The following PTMA variants were observed in gnomAD, a reference collection of about 807,000 sequenced individuals.
PTMA encodes gene sequence 28.
A neutral mutation model predicts 16.9 loss-of-function variants in PTMA; 4 were observed. The ratio of observed to expected loss-of-function variants is 0.24; its 90% confidence interval spans 0.12 to 0.54. The LOEUF (loss-of-function observed/expected upper bound fraction) is 0.54. PTMA is among the 20% of genes least tolerant of loss of function. PTMA has a pLI of 0.95. For missense variants in PTMA, 120 were observed against 137.7 expected (o/e 0.87, Z 0.64); for synonymous variants, 58 against 47.9 (o/e 1.21, Z -0.87).
chr2:231,712,859 A>C lies in PTMA; in HGVS notation c.*8A>C. On this transcript the variant is annotated 3_prime_UTR_variant, in exon 5 of 5. Transcript: ENST00000409115. Reference sequence around the variant, plus strand: ...ACCGACGAGGATGACTAGACAGCAAAAAAGGAAAAGTTAAACTAAAAAAAA... The same window carrying C: ...ACCGACGAGGATGACTAGACAGCAACAAAGGAAAAGTTAAACTAAAAAAAA... The C allele has an allele frequency of 6.4e-7, 1 of 1,563,024 alleles. No individual in the cohort carries two copies. The highest frequency in any genetic ancestry group is 8.7e-7 in the Non-Finnish European group (1 of 1,155,936).
intron 1 of PTMA, 78 bp from the exon 2 acceptor site, chr2:231,711,260 CGTACAGACCA>C: frequency 9.6e-7 from 1 of 1,044,444 alleles, no homozygotes; most frequent in East Asian, 2.4e-5. Context: ...ACAGAACAGC[CGTACAGACCA>C]GTAGTTCTCA....
chr2:231,709,180 G>A (rs2048482844), intron 1 of PTMA, among the ~76,000 whole-genome samples: 2 of 152,178 alleles, frequency 1.3e-5, no homozygotes, highest in Admixed American at 1.3e-4. Flanking sequence ...CCGGCCGCGG[G>A]AAGTGGCGGC....
chr2:231,712,710 T>A, intron 4 of PTMA, 94 bp from the exon 5 acceptor site: 1 of 1,455,886 alleles, frequency 6.9e-7, no homozygotes, highest in African/African-American at 1.4e-5. Context: ...GAGCTGGGGG[T>A]CCCTGGTTCT....
intron 1 of PTMA, among the ~76,000 whole-genome samples, chr2:231,709,371 T>C (rs1398288110): frequency 6.6e-6 from 1 of 151,882 alleles, no homozygotes; most frequent in African/African-American, 2.4e-5. Context: ...CTTTGGGCGC[T>C]CTGGGAGGCG....
chr2:231,712,175 TCA>T (rs1491164870), intron 3 of PTMA, among the ~76,000 whole-genome samples, 192 bp downstream of exon 3: 1 of 152,142 alleles, frequency 6.6e-6, no homozygotes, highest in Admixed American at 6.5e-5. Context: ...CCATGCCCAC[TCA>T]CACTCACTCG....
intron 3 of PTMA, 141 bp downstream of exon 3, chr2:231,712,124 C>A (rs1316633293): frequency 9.1e-6 from 13 of 1,435,120 alleles, no homozygotes; most frequent in Non-Finnish European, 1.2e-5. Context: ...TGGGCACCCA[C>A]CTGTAGAGTC....
chr2:231,711,491 A>G, intron 2 of PTMA, 72 bp downstream of exon 2: 2 of 1,362,274 alleles, frequency 1.5e-6, no homozygotes, highest in Non-Finnish European at 2.1e-6. Context: ...TACTTTAAAC[A>G]TACCTATATA....
chr2:231,712,055 G>A (rs917281456), intron 3 of PTMA, 72 bp downstream of exon 3: 8 of 1,546,656 alleles, frequency 5.2e-6, no homozygotes, highest in South Asian at 1.2e-5. Context: ...GGGGAAGGAA[G>A]GAATTGGGGC....
In PTMA at chr2:231,708,529, C is replaced by T. The variant is rs1051351172; in HGVS notation, c.-178C>T. The stretch of plus-strand genomic sequence containing the variant: ...AGCTTCTGGCGCCGCGTGAGTCCCC[C>T]ACTGGCTGCTCTGAAAAGCCATCTT... On this transcript the variant is annotated 5_prime_UTR_variant, in exon 1 of 5. Transcript: ENST00000409115. The T allele has an allele frequency of 1.4e-5, 10 of 723,628 alleles. No individual in the cohort carries two copies. Among genetic ancestry groups the T allele is most frequent in the Admixed American group, 4.7e-5 (2 of 42,540 alleles). 44.8% of individuals were successfully genotyped at this position (723,628 alleles called of 1,614,324 possible).
chr2:231,710,468 A>G, intron 1 of PTMA: 2 of 1,095,360 alleles, frequency 1.8e-6, no homozygotes, highest in Non-Finnish European at 2.3e-6. Context: ...GAGCGGGCGG[A>G]GCCGGGGTCC....
chr2:231,711,186 C>A, intron 1 of PTMA, 162 bp from the exon 2 acceptor site: 1 of 603,096 alleles, frequency 1.7e-6, no homozygotes, highest in African/African-American at 1.8e-5. Flanking sequence ...TCCACCAGAC[C>A]AGTGGGAGAG....
Position 231,709,938 on chromosome 2 carries a change from G to A in PTMA, c.45+1187G>A, listed in dbSNP as rs538880240. ...CGACTTCTTGGCAGAGCGGAGCTCG[G>A]GGCCCGGATCTCCACAGGGGCTCTC... On this transcript the variant is annotated intron_variant, in intron 1 of 4. Coordinates refer to ENST00000409115, the MANE Select transcript of PTMA (RefSeq NM_002823.5). 4.1e-5 allele frequency: 25 copies of A among 613,516 alleles called. No individual in the cohort carries two copies. In the South Asian group the frequency reaches 1.5e-3, roughly 38 times the overall value. The allele number at this position is 613,516 out of a possible 1,614,324, so 38.0% of individuals were successfully genotyped here.
rs577593108 is a variant in PTMA, at chr2:231,713,322, C to G, written c.*471C>G. 4.3e-4 allele frequency: 218 copies of G among 508,732 alleles called. 1 individual carries two copies. Among genetic ancestry groups the G allele is most frequent in the Non-Finnish European group, 8.3e-5 (21 of 252,082 alleles). 31.5% of individuals were successfully genotyped at this position (508,732 alleles called of 1,614,324 possible). A position where few individuals can be genotyped will look rare whatever the true frequency, so the allele number is the denominator to read the frequency against. On this transcript the variant is annotated 3_prime_UTR_variant, in exon 5 of 5. Coordinates refer to ENST00000409115, the MANE Select transcript of PTMA (RefSeq NM_002823.5). ...ATGACAACAGAAAAACAATCTTATT[C>G]CGAGCATTCCAGTAACTTTTTTGTG...
At chr2:231,708,784 C>T (rs780639216) in intron 1 of PTMA, 33 bp downstream of exon 1, 10 of 1,594,708 alleles carry the variant, frequency 6.3e-6, no homozygotes, top group Non-Finnish European at 8.5e-6. Context: ...CCCTCGGGGT[C>T]CGCGCGCCGC....
At chr2:231,708,794 C>T (rs775168346) in intron 1 of PTMA, 43 bp downstream of exon 1, 1 of 1,590,902 alleles carries the variant, frequency 6.3e-7, no homozygotes, top group Non-Finnish European at 8.5e-7. Context: ...CCGCGCGCCG[C>T]CGCTCGGGCG....
In PTMA at chr2:231,710,359, A is replaced by G. The variant is rs569322472; in HGVS notation, c.46-989A>G. On this transcript the variant is annotated intron_variant, in intron 1 of 4. Coordinates refer to ENST00000409115, the MANE Select transcript of PTMA (RefSeq NM_002823.5). ...TGCTCCCTGCGCGCGGTGCGTGCCG[A>G]GGCCCGCGCGCAAAGCCCGCCGGGC... is the stretch of plus-strand genomic sequence containing the variant. The G allele has an allele frequency of 3.9e-5, 47 of 1,202,368 alleles. No homozygotes were observed. In the Admixed American group the frequency reaches 1.6e-3, roughly 42 times the overall value. The allele number at this position is 1,202,368 out of a possible 1,614,324, so 74.5% of individuals were successfully genotyped here.
intron 2 of PTMA, 137 bp from the exon 3 acceptor site, chr2:231,711,753 G>T: frequency 6.8e-7 from 1 of 1,462,232 alleles, no homozygotes; most frequent in Non-Finnish European, 9.1e-7. Flanking sequence ...ACTGGAGAAG[G>T]GTCTCTGGGG....
At chr2:231,710,203 G>A in intron 1 of PTMA, 13 of 1,329,376 alleles carry the variant, frequency 9.8e-6, no homozygotes, top group Non-Finnish European at 1.3e-5. Flanking sequence ...GCCTGCCGGG[G>A]TGGCGGCAGT....
Position 231,711,430 on chromosome 2 carries a change from G to C in PTMA, c.117+11G>C. On this transcript the variant is annotated intron_variant, in intron 2 of 4. Coordinates refer to ENST00000409115, the MANE Select transcript of PTMA (RefSeq NM_002823.5). ...GCTAACGGGAATGCTGTGAGTGTCTGCTTTGCTCCTGAGCCCTGGCAGCTA... is the reference window on the plus strand; with the variant it reads ...GCTAACGGGAATGCTGTGAGTGTCTCCTTTGCTCCTGAGCCCTGGCAGCTA... The C allele has an allele frequency of 4.3e-6, 7 of 1,613,912 alleles. No individual in the cohort carries two copies. The highest frequency in any genetic ancestry group is 5.9e-6 in the Non-Finnish European group (7 of 1,179,762).
Sources: allele counts gnomAD v4.1 joint callset (sites outside exome capture counted in the v4.1 genomes callset), GRCh38; gene constraint gnomAD v4.1.1; transcripts MANE v1.5; gene names NCBI Gene and HGNC (gene_info 2026-07-23, HGNC 2026-07-21).